Variants in ADAMTSL1 observed in about 807,000 individuals in gnomAD.
ADAMTSL1 encodes ADAMTS-like protein 1.
ADAMTSL1 carries 126 observed loss-of-function variants against 201.8 expected under a neutral mutation model. The observed-to-expected ratio is 0.62, with a 90% CI of 0.54 to 0.72. The LOEUF is 0.72. ADAMTSL1 is among the 30% of genes least tolerant of loss of function. ADAMTSL1 has a pLI of 0.00. For synonymous variants in ADAMTSL1, 1,121 were observed against 903.4 expected, an observed-to-expected ratio of 1.24 and a Z score of -4.32; for missense variants, 2,679 against 2,277.8, an observed-to-expected ratio of 1.18 and a Z score of -3.59.
At chr9:18,150,053 G>C (rs1826840463) in intron 1 of ADAMTSL1, among the ~76,000 whole-genome samples, 1 of 152,164 alleles carries the variant, frequency 6.6e-6, no homozygotes, top group Non-Finnish European at 1.5e-5. Flanking sequence ...TTCAGTTAGA[G>C]GTTCCTGGGA....
intron 2 of ADAMTSL1, among the ~76,000 whole-genome samples, chr9:18,427,822 G>A (rs183981849): frequency 6.6e-6 from 1 of 152,340 alleles, no homozygotes; most frequent in East Asian, 1.9e-4. Flanking sequence ...AGCCTGCTCT[G>A]CCATTCAAAA....
At chr9:18,247,269 T>C (rs1173306224) in intron 2 of ADAMTSL1, among the ~76,000 whole-genome samples, 1 of 152,222 alleles carries the variant, frequency 6.6e-6, no homozygotes, top group African/African-American at 2.4e-5. Context: ...CATCCATTTA[T>C]GACACTAATA....
At chr9:18,494,212 C>T (rs1005151757) in intron 1 of ADAMTSL1, among the ~76,000 whole-genome samples, 1 of 152,052 alleles carries the variant, frequency 6.6e-6, no homozygotes, top group East Asian at 1.9e-4. Context: ...AAAAATTACC[C>T]GGGCATGGTG....
In ADAMTSL1 at chr9:18,839,281, G is replaced by C. The variant is rs550802845; in HGVS notation, c.4249+9304G>C. 2.7e-3 allele frequency among the ~76,000 whole-genome samples: 395 copies of C among 148,822 alleles called. 1 individual carries two copies. The highest frequency in any genetic ancestry group is 9.5e-3 in the African/African-American group (384 of 40,314). On this transcript the variant is annotated intron_variant, in intron 23 of 28. Transcript: ENST00000380548. ...TCCCACCTATGAGTGAGAACATGCG[G>C]TGTTTGGTTTTTTGTCTTTACAATA...
chr9:18,296,143 C>A (rs1422728795), intron 2 of ADAMTSL1, among the ~76,000 whole-genome samples: 1 of 152,084 alleles, frequency 6.6e-6, no homozygotes, highest in African/African-American at 2.4e-5. Context: ...AGGGAAAAAT[C>A]AGACAAATTC....
chr9:18,769,172 C>G (rs1016656075), intron 16 of ADAMTSL1, among the ~76,000 whole-genome samples: 2 of 152,170 alleles, frequency 1.3e-5, no homozygotes, highest in East Asian at 1.9e-4. Flanking sequence ...ACTGGTATCA[C>G]CATCATAACC....
chr9:18,183,504 C>A (rs190102704), intron 2 of ADAMTSL1, among the ~76,000 whole-genome samples: 6 of 152,170 alleles, frequency 3.9e-5, no homozygotes, highest in African/African-American at 1.4e-4. Flanking sequence ...CTAAAATATA[C>A]TGAACTTAAA....
At chr9:18,565,212 C>T (rs1294477323) in intron 3 of ADAMTSL1, among the ~76,000 whole-genome samples, 5 of 152,152 alleles carry the variant, frequency 3.3e-5, no homozygotes, top group African/African-American at 1.2e-4. Context: ...CAGTTTAAAG[C>T]TTTCAATATA....
chr9:18,385,123 G>C (rs879151444), intron 2 of ADAMTSL1, among the ~76,000 whole-genome samples: 2 of 152,144 alleles, frequency 1.3e-5, no homozygotes, highest in African/African-American at 4.8e-5. Context: ...ATTTGGATGG[G>C]CAGAGGCATT....
chr9:18,647,396 C>T (rs1272689860), intron 7 of ADAMTSL1, among the ~76,000 whole-genome samples: 1 of 150,846 alleles, frequency 6.6e-6, no homozygotes, highest in African/African-American at 2.4e-5. Context: ...TTCAGTTCTG[C>T]TCTGATTTTA....
chr9:18,669,812 A>C (rs370098962), intron 9 of ADAMTSL1, among the ~76,000 whole-genome samples: 1 of 152,136 alleles, frequency 6.6e-6, no homozygotes, highest in African/African-American at 2.4e-5. Flanking sequence ...TTCATCTTAA[A>C]ACTTCTGATC....
chr9:18,671,198 G>A (rs961697038), intron 9 of ADAMTSL1, among the ~76,000 whole-genome samples: 1 of 152,168 alleles, frequency 6.6e-6, no homozygotes, highest in Non-Finnish European at 1.5e-5. Flanking sequence ...TTAAAAGTGA[G>A]GAGAGGAGTT....
chr9:17,995,702 C>A (rs751482862), intron 1 of ADAMTSL1, among the ~76,000 whole-genome samples: 18 of 152,038 alleles, frequency 1.2e-4, no homozygotes, highest in Non-Finnish European at 2.6e-4. Context: ...GAAGCCCTGA[C>A]AAGATTGCTT....
intron 3 of ADAMTSL1, among the ~76,000 whole-genome samples, chr9:18,566,144 AT>A (rs991263179): frequency 3.3e-5 from 5 of 151,986 alleles, no homozygotes; most frequent in African/African-American, 7.3e-5. Flanking sequence ...ATTCTCGTAA[AT>A]TTTTTTTGAA....
intron 1 of ADAMTSL1, among the ~76,000 whole-genome samples, chr9:18,053,992 C>CTT (rs1208578964): frequency 6.8e-6 from 1 of 148,072 alleles, no homozygotes; most frequent in Admixed American, 6.7e-5. Flanking sequence ...TACTGCTTCT[C>CTT]TTTTTTTTTT....
At chr9:18,587,828 T>C (rs1007409003) in intron 4 of ADAMTSL1, among the ~76,000 whole-genome samples, 2 of 152,212 alleles carry the variant, frequency 1.3e-5, no homozygotes, top group Non-Finnish European at 2.9e-5. Flanking sequence ...TATGACTGAA[T>C]AATATTCCAT....
intron 14 of ADAMTSL1, 61 bp downstream of exon 14, chr9:18,707,109 A>G (rs1832278189): frequency 6.5e-7 from 1 of 1,541,154 alleles, no homozygotes; most frequent in Non-Finnish European, 8.7e-7. Context: ...CTCTCTCTGC[A>G]TGCAGCTGGA....
intron 4 of ADAMTSL1, among the ~76,000 whole-genome samples, chr9:18,590,192 A>G (rs1486719757): frequency 6.6e-6 from 1 of 151,948 alleles, no homozygotes; most frequent in Non-Finnish European, 1.5e-5. Context: ...ACCATTTATT[A>G]CTTGTTTGAT....
At chr9:18,099,355 A>ATATATATATATTTTTTTTT (rs1239180390) in intron 1 of ADAMTSL1, among the ~76,000 whole-genome samples, 1 of 45,560 alleles carries the variant, frequency 2.2e-5, no homozygotes, top group African/African-American at 8.1e-5. Flanking sequence ...ATATATATAT[A>ATATATATATATTTTTTTTT]TTTTTTTTTT....
Sources: gnomAD v4.1 joint callset for allele counts (sites outside exome capture counted in the v4.1 genomes callset) on GRCh38, gnomAD v4.1.1 for gene constraint, MANE v1.5 for transcripts, NCBI Gene and HGNC (gene_info 2026-07-23, HGNC 2026-07-21) for gene names.